Variants in DSP observed in about 807,000 individuals in gnomAD.
The protein encoded by DSP is 250/210 kDa paraneoplastic pemphigus antigen.
In DSP, 114 loss-of-function variants were observed where a neutral mutation model predicts 290.6. That is an observed-to-expected ratio of 0.39 (90% CI 0.34 to 0.46). The LOEUF is 0.46. DSP is among the 20% of genes least tolerant of loss of function. The pLI, the probability that DSP is intolerant of heterozygous loss-of-function variation, is 0.99. For synonymous variants in DSP, 1,311 were observed against 1,316.4 expected, an observed-to-expected ratio of 1.00 and a Z score of 0.09; for missense variants, 3,230 against 3,495.8, an observed-to-expected ratio of 0.92 and a Z score of 1.92.
In DSP at chr6:7,582,761, G is replaced by A. The variant is rs775969808; in HGVS notation, c.5499G>A (p.Glu1833=). 2.5e-6 allele frequency: 4 copies of A among 1,613,862 alleles called. No homozygotes were observed. The South Asian group carries it at 4.4e-5, about 18-fold the overall frequency. The change falls in exon 24 of 24, where the codon GAG becomes GAA. Residue 1833 remains glutamate, a synonymous_variant. Coordinates refer to ENST00000379802, the MANE Select transcript of DSP (RefSeq NM_004415.4). The surrounding 1 kb of genome is among the most constrained non-coding windows in gnomAD (Gnocchi z 4.2). ...ACAAGGCAAGGCTGCAGAGGCTGGA[G>A]GATGAGCTGAATCGTGCAAAATCAA... is the stretch of plus-strand genomic sequence containing the variant. The part of the protein sequence containing the change: ...EQDKARLQRL[E]DELNRAKSTL...
In DSP at chr6:7,567,413, T is replaced by A; in HGVS notation, c.1104T>A (p.Ile368=). Reference sequence around the variant, plus strand: ...GGATTCTTCAGATCACCAAGTGCATTGATGTTCATCTGAAAGAAAATGCTG... The same window carrying A: ...GGATTCTTCAGATCACCAAGTGCATAGATGTTCATCTGAAAGAAAATGCTG... ...WSWILQITKC[I]DVHLKENAAY... The change falls in exon 9 of 24, where the codon ATT becomes ATA. Residue 368 remains isoleucine (I), a synonymous_variant. Coordinates refer to ENST00000379802, the MANE Select transcript of DSP (RefSeq NM_004415.4). The A allele has an allele frequency of 6.2e-7, 1 of 1,614,136 alleles. No individual in the cohort carries two copies. Among genetic ancestry groups the A allele is most frequent in the African/African-American group, 1.3e-5 (1 of 75,054 alleles).
rs1759432452 is a variant in DSP at position 7,581,306 on chromosome 6, C to T, written c.5116C>T (p.Leu1706=). 1.9e-6 allele frequency: 3 copies of T among 1,614,164 alleles called. No homozygotes were observed. The highest frequency in any genetic ancestry group is 2.5e-6 in the Non-Finnish European group (3 of 1,180,044). Residue 1706 remains leucine, a synonymous_variant, in exon 23 of 24, where the codon CTG becomes TTG. Coordinates refer to ENST00000379802, the MANE Select transcript of DSP (RefSeq NM_004415.4). ...TGAAAGCAAAATAGAAATTGAGAGGCTGCAGTCTCTCACAGAGAACCTGAC... is the reference window on the plus strand; with the variant it reads ...TGAAAGCAAAATAGAAATTGAGAGGTTGCAGTCTCTCACAGAGAACCTGAC... ...LNESKIEIER[L]QSLTENLTKE...
intron 1 of DSP, among the ~76,000 whole-genome samples, chr6:7,544,105 C>G (rs1053342007): frequency 6.6e-6 from 1 of 152,122 alleles, no homozygotes; most frequent in African/African-American, 2.4e-5. Flanking sequence ...TTGCTCTGCC[C>G]GGCAGCAGGG....
Position 7,580,549 on chromosome 6 carries a change from A to G in DSP, c.4359A>G (p.Gln1453=), listed in dbSNP as rs1174059606. 6.2e-7 allele frequency: 1 copy of G among 1,614,026 alleles called. No individual in the cohort carries two copies. The highest frequency in any genetic ancestry group is 1.3e-5 in the African/African-American group (1 of 74,920). Residue 1453 remains glutamine, a synonymous_variant, in exon 23 of 24, where the codon CAA becomes CAG. Coordinates refer to ENST00000379802, the MANE Select transcript of DSP (RefSeq NM_004415.4). The surrounding 1 kb of genome is among the most constrained non-coding windows in gnomAD (Gnocchi z 4.2). ...RKQQLEVELR[Q]VTQMRTEESV... ...AGCAGCTGGAGGTTGAGCTGAGACA[A>G]GTCACTCAGATGCGAACAGAGGAGA...
At chr6:7,564,802 C>A (rs186162242) in intron 6 of DSP, among the ~76,000 whole-genome samples, 1 of 151,696 alleles carries the variant, frequency 6.6e-6, no homozygotes, top group East Asian at 1.9e-4. Flanking sequence ...CAAATATGTA[C>A]AACTATATCA....
chr6:7,576,755 G>C (rs1759251289), intron 19 of DSP, among the ~76,000 whole-genome samples: 1 of 152,168 alleles, frequency 6.6e-6, no homozygotes, highest in African/African-American at 2.4e-5. Flanking sequence ...ACCTCTTACA[G>C]ATAGTAAGTT....
Position 7,562,651 on chromosome 6 carries a change from G to C in DSP, c.598-1G>C, listed in dbSNP as rs777091556. 1 of 1,614,154 alleles carries C rather than the reference G, an allele frequency of 6.2e-7. No individual in the cohort carries two copies. Among genetic ancestry groups the C allele is most frequent in the East Asian group, 2.2e-5 (1 of 44,874 alleles). ...CGCCTCTCTTTGTCTTTGTGTCGCA[G>C]GCGGAGATGGACATGGTGGCCTGGG... On this transcript the variant is annotated splice_acceptor_variant, in intron 4 of 23. Transcript: ENST00000379802. LOFTEE classifies it high-confidence loss of function.
chr6:7,585,247 A>T lies in DSP; in HGVS notation c.7985A>T (p.His2662Leu). 1 of 1,614,076 alleles carries T rather than the reference A, an allele frequency of 6.2e-7. No homozygotes were observed. The highest frequency in any genetic ancestry group is 8.5e-7 in the Non-Finnish European group (1 of 1,180,036). ...EAQACTGGII[H>L]PTTGQKLSLQ... ...CAGGCCTGCACAGGTGGCATCATCCACCCAACCACGGGCCAGAAGCTGTCA... is the reference window on the plus strand; with the variant it reads ...CAGGCCTGCACAGGTGGCATCATCCTCCCAACCACGGGCCAGAAGCTGTCA... Residue 2662 changes from histidine to leucine, a missense_variant, in exon 24 of 24, where the codon CAC becomes CTC. His to Leu is a moderately conservative substitution (Grantham distance 99, BLOSUM62 -3). Coordinates refer to ENST00000379802, the MANE Select transcript of DSP (RefSeq NM_004415.4).
chr6:7,551,841 G>A (rs1758351832), intron 1 of DSP, among the ~76,000 whole-genome samples: 1 of 152,182 alleles, frequency 6.6e-6, no homozygotes, highest in African/African-American at 2.4e-5. Context: ...CTGGCAAGGT[G>A]GATTCCCTAT....
chr6:7,579,692 G>A lies in DSP; in HGVS notation c.3502G>A (p.Glu1168Lys), dbSNP rs548201118. Residue 1168 changes from glutamate (E) to lysine (K), a missense_variant, in exon 23 of 24, where the codon GAG (glutamate) becomes AAG (lysine). By Grantham distance (56) the Glu-to-Lys change is moderately conservative. This residue lies in a region of DSP where 1,714 missense variants were observed against 1,844.5 expected (regional missense o/e 0.93). Transcript: ENST00000379802. The surrounding 1 kb of genome is among the most constrained non-coding windows in gnomAD (Gnocchi z 4.1). ...LESEKAIKEK[E>K]YEIERLRVLL... ...GTCTGAGAAAGCCATCAAGGAGAAG[G>A]AGTACGAGATTGAAAGGTTGAGGGT... 1.2e-6 allele frequency: 2 copies of A among 1,613,828 alleles called. No individual in the cohort carries two copies. Among genetic ancestry groups the A allele is most frequent in the African/African-American group, 2.7e-5 (2 of 75,000 alleles).
chr6:7,565,233 GTTAACATT>G lies in DSP; in HGVS notation c.778-123_778-116del. The G allele has an allele frequency of 7.9e-7, 1 of 1,272,784 alleles. No individual in the cohort carries two copies. Among genetic ancestry groups the G allele is most frequent in the Non-Finnish European group, 1.1e-6 (1 of 898,180 alleles). The allele number at this position is 1,272,784 out of a possible 1,614,324, so 78.8% of individuals were successfully genotyped here. A position where few individuals can be genotyped will look rare whatever the true frequency, so the allele number is the denominator to read the frequency against. On this transcript the variant is annotated intron_variant, in intron 6 of 23. Transcript: ENST00000379802. The surrounding 1 kb of genome is among the most constrained non-coding windows in gnomAD (Gnocchi z 4.2). ...ACCAGGTGGTCAGTGAATGCACAAG[GTTAACATT>G]TTTCCTATCCGTGTGATTTTTTTTT...
At position 7,575,438 on chromosome 6, in the gene DSP, C is replaced by T. The variant is rs1759210274; in HGVS notation, c.2580C>T (p.Val860=). 6.2e-7 allele frequency: 1 copy of T among 1,614,186 alleles called. No individual in the cohort carries two copies. The highest frequency in any genetic ancestry group is 8.5e-7 in the Non-Finnish European group (1 of 1,180,024). ...ACTTGGGCAAGTTCGGTGAAAAAGT[C>T]ACACAGCTGACAGACCGCTGGCAAA... ...DLDLGKFGEK[V]TQLTDRWQRI... The change falls in exon 18 of 24, where the codon GTC becomes GTT. Residue 860 remains valine (V), a synonymous_variant. Coordinates refer to ENST00000379802, the MANE Select transcript of DSP (RefSeq NM_004415.4).
At chr6:7,574,886 GTT>G in intron 17 of DSP, 91 bp downstream of exon 17, 1 of 1,582,412 alleles carries the variant, frequency 6.3e-7, no homozygotes, top group Non-Finnish European at 8.7e-7. Flanking sequence ...GTTTTCATGA[GTT>G]TTGAGGATTA....
intron 1 of DSP, among the ~76,000 whole-genome samples, chr6:7,542,572 T>G (rs1270561743): frequency 1.3e-5 from 2 of 152,060 alleles, no homozygotes; most frequent in African/African-American, 4.8e-5. Context: ...CAATCCCCAG[T>G]AACCCCGAGA....
Position 7,584,409 on chromosome 6 carries a change from A to G in DSP, c.7147A>G (p.Ser2383Gly). Reference protein sequence around the residue: ...ATGGIIDPKESHRLPVDIAYK... With the variant: ...ATGGIIDPKEGHRLPVDIAYK... Reference sequence around the variant, plus strand: ...CGGGGGGATCATTGACCCAAAGGAGAGCCATCGTTTACCAGTTGACATAGC... The same window carrying G: ...CGGGGGGATCATTGACCCAAAGGAGGGCCATCGTTTACCAGTTGACATAGC... Residue 2383 changes from serine (S) to glycine (G), a missense_variant, in exon 24 of 24, where the codon AGC becomes GGC. This residue lies in a region of DSP where 207 missense variants were observed against 281.2 expected (regional missense o/e 0.74). Coordinates refer to ENST00000379802, the MANE Select transcript of DSP (RefSeq NM_004415.4). This position sits in a 1 kb window ranked among gnomAD's most constrained non-coding sequence, Gnocchi z 6.4. 6.2e-7 allele frequency: 1 copy of G among 1,614,154 alleles called. No individual in the cohort carries two copies. Among genetic ancestry groups the G allele is most frequent in the Non-Finnish European group, 8.5e-7 (1 of 1,180,000 alleles).
Position 7,584,283 on chromosome 6 carries a change from G to A in DSP, c.7021G>A (p.Asp2341Asn), listed in dbSNP as rs200314271. Residue 2341 changes from aspartate to asparagine, a missense_variant, in exon 24 of 24, where the codon GAT becomes AAT. Physicochemically the swap from Asp to Asn is conservative, Grantham distance 23. Coordinates refer to ENST00000379802, the MANE Select transcript of DSP (RefSeq NM_004415.4). The surrounding 1 kb of genome is among the most constrained non-coding windows in gnomAD (Gnocchi z 6.4). ...AGAACGAGCTGTCACTGGGTATAAT[G>A]ATCCTGAAACAGGAAACATCATCTC... ...SAERAVTGYN[D>N]PETGNIISLF... is the part of the protein sequence containing the mutation. 2 of 1,614,166 alleles carry A rather than the reference G, an allele frequency of 1.2e-6. No individual in the cohort carries two copies. Among genetic ancestry groups the A allele is most frequent in the Non-Finnish European group, 1.7e-6 (2 of 1,180,034 alleles).
intron 2 of DSP, 117 bp from the exon 3 acceptor site, chr6:7,557,999 T>C: frequency 7.9e-7 from 1 of 1,270,494 alleles, no homozygotes; most frequent in East Asian, 2.3e-5. Flanking sequence ...TCATTTTCAC[T>C]GGCGAAACTT....
Position 7,584,341 on chromosome 6 carries a change from A to C in DSP, c.7079A>C (p.Glu2360Ala). 1 of 1,614,218 alleles carries C rather than the reference A, an allele frequency of 6.2e-7. No homozygotes were observed. The highest frequency in any genetic ancestry group is 1.1e-5 in the South Asian group (1 of 91,084). The change falls in exon 24 of 24, where the codon GAA (glutamate) becomes GCA (alanine). Residue 2360 changes from glutamate to alanine, a missense_variant. Glu to Ala is a moderately radical substitution (Grantham distance 107). Transcript: ENST00000379802. The surrounding 1 kb of genome is among the most constrained non-coding windows in gnomAD (Gnocchi z 6.4). ...LFQAMNKELI[E>A]KGHGIRLLEA... is the part of the protein sequence containing the mutation. Reference sequence around the variant, plus strand: ...CAAGCCATGAATAAGGAACTCATCGAAAAGGGCCACGGTATTCGCTTATTA... The same window carrying C: ...CAAGCCATGAATAAGGAACTCATCGCAAAGGGCCACGGTATTCGCTTATTA...
intron 1 of DSP, among the ~76,000 whole-genome samples, chr6:7,548,249 A>C (rs1001520575): frequency 2.6e-5 from 4 of 152,076 alleles, no homozygotes; most frequent in Non-Finnish European, 4.4e-5. Context: ...CCTGGGCAAC[A>C]GAGCGAGACT....
Sources: gnomAD v4.1 joint callset for allele counts (sites outside exome capture counted in the v4.1 genomes callset) on GRCh38, gnomAD v4.1.1 for gene constraint, gnomAD v4.1.1 regional missense constraint, Gnocchi (gnomAD v3.1) non-coding constraint, MANE v1.5 for transcripts, NCBI Gene and HGNC (gene_info 2026-07-23, HGNC 2026-07-21) for gene names.